Variants in CCDC18 observed in about 807,000 individuals in gnomAD.
The protein encoded by CCDC18 is coiled-coil domain containing 18.
A neutral mutation model predicts 196.0 loss-of-function variants in CCDC18; 157 were observed. The observed-to-expected ratio is 0.80, with a 90% CI of 0.70 to 0.91. CCDC18 has a LOEUF of 0.91. CCDC18 is among the 40% of genes least tolerant of loss of function. CCDC18 has a pLI of 0.00. For synonymous variants in CCDC18, 482 were observed against 529.2 expected, an observed-to-expected ratio of 0.91 and a Z score of 1.22; for missense variants, 1,465 against 1,611.6, an observed-to-expected ratio of 0.91 and a Z score of 1.56.
intron 16 of CCDC18, among the ~76,000 whole-genome samples, chr1:93,222,599 G>C (rs1458204231): frequency 6.6e-6 from 1 of 151,964 alleles, no homozygotes; most frequent in Non-Finnish European, 1.5e-5. Context: ...TGTTAAATTG[G>C]GTTTCAGTGT....
At chr1:93,214,996 T>A in intron 12 of CCDC18, 30 bp downstream of exon 12, 1 of 1,395,216 alleles carries the variant, frequency 7.2e-7, no homozygotes, top group Non-Finnish European at 9.8e-7. Context: ...GGTATATATG[T>A]TAATTTTTGA....
intron 16 of CCDC18, among the ~76,000 whole-genome samples, chr1:93,225,228 C>T (rs1053057289): frequency 3.9e-5 from 6 of 152,088 alleles, no homozygotes; most frequent in African/African-American, 1.4e-4. Flanking sequence ...ATAAAGAAAA[C>T]AAGGAGCAAG....
In CCDC18 at chr1:93,205,601, G is replaced by A. The variant is rs759923649; in HGVS notation, c.887G>A (p.Ser296Asn). 2 of 1,595,474 alleles carry A rather than the reference G, an allele frequency of 1.3e-6. No homozygotes were observed. Among genetic ancestry groups the A allele is most frequent in the Non-Finnish European group, 1.7e-6 (2 of 1,172,086 alleles). The change falls in exon 8 of 29, where the codon AGT becomes AAT. Residue 296 changes from serine (S) to asparagine (N), a missense_variant. Transcript: ENST00000690025. ...CAAGAAAGGTGTGGTCTATATAAAAGTGAACTTGAAATTCTGAAAGAGAAA... is the reference window on the plus strand; with the variant it reads ...CAAGAAAGGTGTGGTCTATATAAAAATGAACTTGAAATTCTGAAAGAGAAA... ...RLQERCGLYK[S>N]ELEILKEKLR...
At chr1:93,213,165 ACT>A (rs1655937065) in intron 11 of CCDC18, among the ~76,000 whole-genome samples, 1 of 151,216 alleles carries the variant, frequency 6.6e-6, no homozygotes, top group African/African-American at 2.4e-5. Context: ...TTCGCCTGCC[ACT>A]CACCTCCTAC....
chr1:93,242,416 A>G (rs1160442899), intron 21 of CCDC18, among the ~76,000 whole-genome samples: 1 of 152,214 alleles, frequency 6.6e-6, no homozygotes, highest in Non-Finnish European at 1.5e-5. Context: ...AGCATGGGAA[A>G]GACCTGCCCC....
intron 26 of CCDC18, among the ~76,000 whole-genome samples, chr1:93,260,978 AT>A (rs1315628777): frequency 6.6e-6 from 1 of 152,178 alleles, no homozygotes; most frequent in Admixed American, 6.5e-5. Flanking sequence ...ATAGTATTCC[AT>A]GGTGTATATG....
chr1:93,190,312 A>G (rs1252302676), intron 4 of CCDC18, among the ~76,000 whole-genome samples: 1 of 151,754 alleles, frequency 6.6e-6, no homozygotes, highest in Non-Finnish European at 1.5e-5. Context: ...ACATGGTGAA[A>G]CCCCGTCTCT....
chr1:93,240,131 T>A (rs184041288), intron 21 of CCDC18, among the ~76,000 whole-genome samples: 1 of 152,174 alleles, frequency 6.6e-6, no homozygotes, highest in Non-Finnish European at 1.5e-5. Context: ...TAAAAAATCA[T>A]TGGGCATGCA....
chr1:93,213,352 T>A (rs1655984214), intron 11 of CCDC18, among the ~76,000 whole-genome samples: 1 of 152,024 alleles, frequency 6.6e-6, no homozygotes. Context: ...ACATAAGACA[T>A]CTCCACCAGG....
chr1:93,236,888 T>C (rs1660141570), intron 19 of CCDC18, among the ~76,000 whole-genome samples: 1 of 152,190 alleles, frequency 6.6e-6, no homozygotes, highest in Admixed American at 6.5e-5. Flanking sequence ...TTAGATTAAA[T>C]AAAACCTAAA....
At chr1:93,258,281 T>C (rs1243409765) in intron 25 of CCDC18, among the ~76,000 whole-genome samples, 2 of 152,084 alleles carry the variant, frequency 1.3e-5, no homozygotes, top group African/African-American at 2.4e-5. Flanking sequence ...ATAAAAACTT[T>C]GCATTTGCTT....
intron 9 of CCDC18, 86 bp from the exon 10 acceptor site, chr1:93,210,716 C>G (rs1287039008): frequency 1.1e-6 from 1 of 907,336 alleles, no homozygotes; most frequent in African/African-American, 1.6e-5. Context: ...TAAATTCATA[C>G]AGTTTTTAAA....
rs1659148475 is a variant in CCDC18 at position 93,230,914 on chromosome 1, A to G, written c.2293-1512A>G. On this transcript the variant is annotated intron_variant, in intron 17 of 28. Transcript: ENST00000690025. ...TAAGAGAGAAAACAAAACAGGTGAT[A>G]CTGACACATATTTACACTAAATTAT... 2.6e-5 allele frequency among the ~76,000 whole-genome samples: 4 copies of G among 152,354 alleles called. No individual in the cohort carries two copies. The South Asian group carries it at 8.3e-4, about 32-fold the overall frequency.
chr1:93,192,081 G>A lies in CCDC18; in HGVS notation c.544G>A (p.Val182Ile), dbSNP rs768637832. Residue 182 changes from valine (V) to isoleucine (I), a missense_variant, in exon 5 of 29, where the codon GTT (valine) becomes ATT (isoleucine). Val to Ile is a conservative substitution (Grantham distance 29). Coordinates refer to ENST00000690025, the MANE Select transcript of CCDC18 (RefSeq NM_001378204.1). Reference protein sequence around the residue: ...EEQIINLEAEVSAQDKVLREA... With the variant: ...EEQIINLEAEISAQDKVLREA... ...ACAGATTATAAATTTGGAAGCAGAGGTTTCAGCTCAAGATAAAGTTTTGAG... is the reference window on the plus strand; with the variant it reads ...ACAGATTATAAATTTGGAAGCAGAGATTTCAGCTCAAGATAAAGTTTTGAG... 1.1e-5 allele frequency: 17 copies of A among 1,612,644 alleles called. No homozygotes were observed. In the South Asian group the frequency reaches 1.4e-4, roughly 14 times the overall value.
chr1:93,252,332 C>T (rs1662371403), intron 23 of CCDC18, among the ~76,000 whole-genome samples: 1 of 152,216 alleles, frequency 6.6e-6, no homozygotes, highest in African/African-American at 2.4e-5. Context: ...CCACCATCCT[C>T]AGTTCTGATT....
intron 6 of CCDC18, among the ~76,000 whole-genome samples, chr1:93,198,042 C>T (rs911732860): frequency 5.3e-5 from 8 of 151,754 alleles, no homozygotes; most frequent in Admixed American, 3.3e-4. Context: ...TGAGCCACCG[C>T]GCCCGGCCCA....
chr1:93,230,349 G>A (rs982344797), intron 17 of CCDC18, among the ~76,000 whole-genome samples: 14 of 151,626 alleles, frequency 9.2e-5, no homozygotes, highest in South Asian at 2.1e-4. Flanking sequence ...AAAATTAGCC[G>A]GGCGTGGTGG....
At chr1:93,238,827 A>G (rs1660391796) in intron 19 of CCDC18, among the ~76,000 whole-genome samples, 1 of 152,192 alleles carries the variant, frequency 6.6e-6, no homozygotes, top group African/African-American at 2.4e-5. Flanking sequence ...AAAGCAGGGA[A>G]GTTGCACTAG....
chr1:93,215,923 G>T (rs1570394965), intron 12 of CCDC18, among the ~76,000 whole-genome samples: 2 of 152,154 alleles, frequency 1.3e-5, no homozygotes, highest in East Asian at 3.8e-4. Flanking sequence ...ACAGGATAAG[G>T]GTGCCTCATT....
Sources: gnomAD v4.1 joint callset for allele counts (sites outside exome capture counted in the v4.1 genomes callset) on GRCh38, gnomAD v4.1.1 for gene constraint, MANE v1.5 for transcripts, NCBI Gene and HGNC (gene_info 2026-07-23, HGNC 2026-07-21) for gene names.